Variants in PKIB observed in about 807,000 individuals in gnomAD.
PKIB encodes the protein PKI-beta.
A neutral mutation model predicts 4.5 loss-of-function variants in PKIB; 2 were observed. The ratio of observed to expected loss-of-function variants is 0.44; its 90% CI spans 0.18 to 1.39. The LOEUF is 1.39. PKIB is among the 40% of genes most tolerant of loss of function. The pLI is 0.27. For synonymous variants in PKIB, 38 were observed against 36.0 expected (o/e 1.06, Z -0.20); for missense variants, 94 against 92.6 (o/e 1.02, Z -0.06).
intron 2 of PKIB, among the ~76,000 whole-genome samples, chr6:122,573,539 A>T (rs963554352): frequency 4.7e-5 from 7 of 149,780 alleles, no homozygotes; most frequent in South Asian, 2.1e-4. Flanking sequence ...AAAAAAAAAG[A>T]AAAAGAAAAA....
intron 2 of PKIB, among the ~76,000 whole-genome samples, chr6:122,561,769 C>T (rs1440250515): frequency 2.0e-5 from 3 of 151,990 alleles, no homozygotes; most frequent in Non-Finnish European, 4.4e-5. Flanking sequence ...GCATGAAATG[C>T]CTTTTTCCAC....
At chr6:122,716,575 G>C (rs1340463037) in intron 3 of PKIB, among the ~76,000 whole-genome samples, 1 of 151,928 alleles carries the variant, frequency 6.6e-6, no homozygotes, top group East Asian at 1.9e-4. Flanking sequence ...ACTATTCCTG[G>C]ACTCCTAAGG....
chr6:122,591,199 C>A (rs976942391), intron 3 of PKIB, among the ~76,000 whole-genome samples: 2 of 147,356 alleles, frequency 1.4e-5, no homozygotes, highest in African/African-American at 5.0e-5. Flanking sequence ...TCTCTCGACA[C>A]ACACACACAC....
chr6:122,509,221 A>T (rs999378685), intron 2 of PKIB, among the ~76,000 whole-genome samples: 1 of 152,152 alleles, frequency 6.6e-6, no homozygotes, highest in African/African-American at 2.4e-5. Flanking sequence ...TAATTTTTGG[A>T]AGAACCCATG....
intron 2 of PKIB, among the ~76,000 whole-genome samples, chr6:122,639,125 C>T (rs1776034026): frequency 6.6e-6 from 1 of 152,122 alleles, no homozygotes; most frequent in Admixed American, 6.6e-5. Flanking sequence ...CACGACTAAC[C>T]AAATCAAACA....
In PKIB at chr6:122,561,994, G is replaced by GTTTTTTTTTTTTT; in HGVS notation, c.-247-23918_-247-23917insTTTTTTTTTTTTT. Among the ~76,000 whole-genome samples the GTTTTTTTTTTTTT allele has an allele frequency of 2.6e-3, 106 of 40,882 alleles. 5 individuals are homozygous for GTTTTTTTTTTTTT. Among genetic ancestry groups the GTTTTTTTTTTTTT allele is most frequent in the Middle Eastern group, 0.017 (1 of 60 alleles). The allele number at this position is 40,882 out of a possible 152,430, so 26.8% of individuals were successfully genotyped here. On this transcript the variant is annotated intron_variant, in intron 2 of 6. Coordinates refer to the PKIB transcript ENST00000392491. Reference sequence around the variant, plus strand: ...GCATAGTTTTTTTTTGTTTGTTTTTGTTTTTTTTTGTTTTTTTTTTTTTTT... The same window carrying GTTTTTTTTTTTTT: ...GCATAGTTTTTTTTTGTTTGTTTTTGTTTTTTTTTTTTTTTTTTTTTTGTTTTTTTTTTTTTTT...
chr6:122,695,106 G>A (rs4463295), intron 3 of PKIB, among the ~76,000 whole-genome samples: 72,989 of 151,940 alleles, frequency 0.48, 18,293 homozygotes, highest in Non-Finnish European at 0.56. Flanking sequence ...AAGATCAAGT[G>A]CATTAAAAAA....
At chr6:122,655,808 T>C (rs982332893) in intron 2 of PKIB, among the ~76,000 whole-genome samples, 3 of 152,206 alleles carry the variant, frequency 2.0e-5, no homozygotes, top group Non-Finnish European at 2.9e-5. Flanking sequence ...GGCTCTCTAA[T>C]TATTGACTAT....
At chr6:122,668,745 T>A (rs540541806) in intron 2 of PKIB, among the ~76,000 whole-genome samples, 48 of 152,316 alleles carry the variant, frequency 3.2e-4, no homozygotes, top group Non-Finnish European at 5.6e-4. Context: ...TATTAGCACA[T>A]CTCACAAGTG....
intron 3 of PKIB, among the ~76,000 whole-genome samples, chr6:122,706,988 G>C (rs908248476): frequency 6.6e-6 from 1 of 151,740 alleles, no homozygotes; most frequent in East Asian, 1.9e-4. Context: ...TATTTTCATG[G>C]CCTCATTTTT....
At chr6:122,622,793 G>A (rs72964513) in intron 1 of PKIB, among the ~76,000 whole-genome samples, 2,109 of 149,128 alleles carry the variant, frequency 0.014, 18 homozygotes, top group Non-Finnish European at 0.025. Flanking sequence ...GTAAGTATCT[G>A]ACCTTAGAAT....
At chr6:122,530,780 A>G (rs1475741888) in intron 2 of PKIB, among the ~76,000 whole-genome samples, 5 of 152,190 alleles carry the variant, frequency 3.3e-5, no homozygotes, top group Non-Finnish European at 7.3e-5. Context: ...AACATTGGAA[A>G]CGTGGTCAAC....
At chr6:122,674,078 C>T (rs371441850) in intron 2 of PKIB, among the ~76,000 whole-genome samples, 2 of 151,970 alleles carry the variant, frequency 1.3e-5, no homozygotes, top group African/African-American at 4.8e-5. Context: ...AGTGTGACTG[C>T]AGAGTTTTAG....
At chr6:122,497,780 C>T (rs1045401695) in intron 2 of PKIB, among the ~76,000 whole-genome samples, 1 of 152,050 alleles carries the variant, frequency 6.6e-6, no homozygotes, top group African/African-American at 2.4e-5. Context: ...TTTACCATTC[C>T]ACTGATGGCA....
intron 3 of PKIB, among the ~76,000 whole-genome samples, chr6:122,715,468 C>T (rs549342854): frequency 2.4e-4 from 37 of 151,998 alleles, no homozygotes; most frequent in Non-Finnish European, 4.6e-4. Flanking sequence ...CTAGCCACTT[C>T]TTACAAGCTG....
At chr6:122,474,222 A>G (rs1775392282) in intron 1 of PKIB, among the ~76,000 whole-genome samples, 1 of 152,250 alleles carries the variant, frequency 6.6e-6, no homozygotes, top group South Asian at 2.1e-4. Context: ...AAACAAAAAA[A>G]TTGGAATATT....
intron 2 of PKIB, among the ~76,000 whole-genome samples, chr6:122,543,355 C>CTTTTTTTT (rs34068830): frequency 5.0e-5 from 7 of 138,806 alleles, no homozygotes; most frequent in African/African-American, 1.6e-4. Context: ...CCACCCCCTC[C>CTTTTTTTT]TTTTTTTTTT....
chr6:122,645,904 C>A (rs1424857933), intron 2 of PKIB, among the ~76,000 whole-genome samples: 1 of 151,984 alleles, frequency 6.6e-6, no homozygotes. Context: ...GTGTTAATTA[C>A]AAAATTGTGC....
At chr6:122,718,761 G>A (rs868014671) in intron 4 of PKIB, among the ~76,000 whole-genome samples, 48 of 152,100 alleles carry the variant, frequency 3.2e-4, no homozygotes, top group African/African-American at 1.1e-3. Flanking sequence ...CCAAGAAGAA[G>A]GCTCTTGGTT....
Sources: allele counts gnomAD v4.1 joint callset (sites outside exome capture counted in the v4.1 genomes callset), GRCh38; gene constraint gnomAD v4.1.1; transcripts MANE v1.5; gene names NCBI Gene and HGNC (gene_info 2026-07-23, HGNC 2026-07-21).